The following ANK2 variants were observed in gnomAD, a reference collection of about 807,000 sequenced individuals.
The protein encoded by ANK2 is ankyrin 2, also known as ankyrin-2.
A neutral mutation model predicts 360.5 loss-of-function variants in ANK2; 83 were observed. The observed-to-expected ratio is 0.23, with a 90% confidence interval of 0.19 to 0.28. The LOEUF (loss-of-function observed/expected upper bound fraction) is 0.28. Among genes scored for constraint, ANK2 ranks in the 10% least tolerant of loss-of-function variants. The pLI is 1.00. For missense variants in ANK2, 4,201 were observed against 4,795.7 expected (o/e 0.88, Z 3.66); for synonymous variants, 1,740 against 1,759.5 (o/e 0.99, Z 0.28).
chr4:112,744,807 G>A, the ANK2 span, among the ~76,000 whole-genome samples: 1 of 152,200 alleles, frequency 6.6e-6, no homozygotes, highest in South Asian at 2.1e-4. Context: ...CCAACATTAA[G>A]CTTTTTCTCT....
upstream of ANK2, chr4:113,049,626 C>CACCACCACCACCAGCAT: frequency 6.9e-7 from 1 of 1,446,556 alleles, no homozygotes; most frequent in Non-Finnish European, 9.3e-7. Flanking sequence ...TTCCCCACCC[C>CACCACCACCACCAGCAT]TCCTCCTCCT....
chr4:113,052,705 A>T (rs2067640674), intron 1 of ANK2, among the ~76,000 whole-genome samples: 1 of 152,204 alleles, frequency 6.6e-6, no homozygotes, highest in Non-Finnish European at 1.5e-5. Context: ...AACCACAAGG[A>T]GTACACTGGT....
At chr4:112,957,007 G>GTTTTTT (rs56066718) in intron 2 of ANK2, among the ~76,000 whole-genome samples, 187 of 66,390 alleles carry the variant, frequency 2.8e-3, no homozygotes, top group Non-Finnish European at 3.2e-3. Context: ...TATTGCTCTT[G>GTTTTTT]TTTTTTTTTT....
chr4:113,233,884 G>A (rs1344412027), intron 5 of ANK2, among the ~76,000 whole-genome samples: 1 of 152,006 alleles, frequency 6.6e-6, no homozygotes, highest in African/African-American at 2.4e-5. Context: ...TTATGATTTG[G>A]GACCTTTTTT....
At chr4:113,190,928 G>T (rs536305338) in intron 2 of ANK2, among the ~76,000 whole-genome samples, 4 of 152,224 alleles carry the variant, frequency 2.6e-5, no homozygotes, top group African/African-American at 9.6e-5. Context: ...GAGCCTTATA[G>T]AAATGTTTTC....
At chr4:112,890,014 A>G (rs2079495543) in intron 1 of ANK2, among the ~76,000 whole-genome samples, 1 of 152,226 alleles carries the variant, frequency 6.6e-6, no homozygotes, top group Admixed American at 6.5e-5. Context: ...ATTAATGTCT[A>G]GCAAAGACAT....
At chr4:112,930,921 A>G (rs550710335) in intron 2 of ANK2, among the ~76,000 whole-genome samples, 14 of 152,006 alleles carry the variant, frequency 9.2e-5, no homozygotes, top group Non-Finnish European at 2.1e-4. Context: ...TAAAATGATG[A>G]AAGGACAACA....
At chr4:113,315,673 C>T (rs1052928476) in intron 24 of ANK2, among the ~76,000 whole-genome samples, 15 of 152,068 alleles carry the variant, frequency 9.9e-5, no homozygotes, top group East Asian at 3.9e-4. Flanking sequence ...CCAAGGTGGG[C>T]GGATCACGAG....
chr4:112,838,742 G>A (rs2061497934), intron 1 of ANK2, among the ~76,000 whole-genome samples: 1 of 152,192 alleles, frequency 6.6e-6, no homozygotes, highest in Non-Finnish European at 1.5e-5. Context: ...GGTGGCGCAT[G>A]CCTGTAATCC....
intron 1 of ANK2, among the ~76,000 whole-genome samples, chr4:112,829,973 A>C (rs13129040): frequency 6.9e-6 from 1 of 145,364 alleles, no homozygotes; most frequent in Non-Finnish European, 1.5e-5. Context: ...AAATAAAAAT[A>C]AAAAATAAAA....
At chr4:113,314,822 A>G (rs139068681) in intron 24 of ANK2, among the ~76,000 whole-genome samples, 231 of 152,340 alleles carry the variant, frequency 1.5e-3, no homozygotes, top group African/African-American at 5.4e-3. Context: ...TTTTTAAAAA[A>G]GCAGTTAGAA....
intron 1 of ANK2, among the ~76,000 whole-genome samples, chr4:113,128,768 C>A (rs193122971): frequency 6.6e-6 from 1 of 152,074 alleles, no homozygotes; most frequent in South Asian, 2.1e-4. Context: ...GGATTACAGG[C>A]GTGAGCCACC....
At chr4:112,848,991 C>T (rs764548497) in intron 1 of ANK2, among the ~76,000 whole-genome samples, 11 of 152,252 alleles carry the variant, frequency 7.2e-5, no homozygotes, top group Non-Finnish European at 4.4e-5. Context: ...TGCAAAATTG[C>T]ATTTATCCTG....
At chr4:112,845,205 A>G (rs539896539) in intron 1 of ANK2, among the ~76,000 whole-genome samples, 2 of 152,202 alleles carry the variant, frequency 1.3e-5, no homozygotes, top group Non-Finnish European at 2.9e-5. Context: ...AAGTAAAAGA[A>G]TGTGGAGTAA....
intron 1 of ANK2, among the ~76,000 whole-genome samples, chr4:112,846,223 C>T (rs747515873): frequency 6.6e-6 from 1 of 152,036 alleles, no homozygotes; most frequent in Non-Finnish European, 1.5e-5. Context: ...GATCCTCCCA[C>T]CTCAGCCTCT....
chr4:113,205,268 T>G (rs2098931509), intron 4 of ANK2, among the ~76,000 whole-genome samples: 1 of 144,368 alleles, frequency 6.9e-6, no homozygotes, highest in Non-Finnish European at 1.5e-5. Flanking sequence ...GACTTAAATA[T>G]AATTTCTGAA....
Position 113,262,665 on chromosome 4 carries a change from TAAC to T in ANK2, c.1387-2229_1387-2227del, listed in dbSNP as rs1043494770. Among the ~76,000 whole-genome samples the T allele has an allele frequency of 3.3e-5, 5 of 152,200 alleles. 1 individual carries two copies. The highest frequency in any genetic ancestry group is 1.9e-4 in the East Asian group (1 of 5,184). ...TAAAAATAAAAAACTACAATAAAAA[TAAC>T]AAAAAATTTTAAAAAGTACAGTATA... On this transcript the variant is annotated intron_variant, in intron 13 of 45. Coordinates refer to ENST00000357077, the MANE Select transcript of ANK2 (RefSeq NM_001148.6).
chr4:113,011,140 G>GT (rs1342396017), intron 2 of ANK2, among the ~76,000 whole-genome samples: 2 of 152,082 alleles, frequency 1.3e-5, no homozygotes, highest in Non-Finnish European at 1.5e-5. Context: ...TGGTGGAGCT[G>GT]TATTTCATAA....
At chr4:113,056,837 T>G (rs917779313) in intron 1 of ANK2, among the ~76,000 whole-genome samples, 2 of 152,168 alleles carry the variant, frequency 1.3e-5, no homozygotes, top group Non-Finnish European at 1.5e-5. Flanking sequence ...TTCTTAGTCA[T>G]GAGACCTGGT....
Sources: gnomAD v4.1 joint callset for allele counts (sites outside exome capture counted in the v4.1 genomes callset) on GRCh38, gnomAD v4.1.1 for gene constraint, MANE v1.5 for transcripts, NCBI Gene and HGNC (gene_info 2026-07-23, HGNC 2026-07-21) for gene names.